Variants in DAPK2 observed in about 807,000 individuals in gnomAD.
The protein encoded by DAPK2 is death associated protein kinase 2.
Under a neutral mutation model 44.1 loss-of-function variants are expected in DAPK2, and 35 were observed. That is an observed-to-expected ratio of 0.79 (90% CI 0.61 to 1.05). DAPK2 has a LOEUF of 1.05. Among genes scored for constraint, DAPK2 ranks in the 50% least tolerant of loss-of-function variants. The probability of loss-of-function intolerance (pLI) is 0.00; values close to 1 mark genes in which losing one functional copy is unlikely to be tolerated. For missense variants in DAPK2, 453 were observed against 483.2 expected (o/e 0.94, Z 0.59); for synonymous variants, 174 against 182.6 (o/e 0.95, Z 0.38).
intron 1 of DAPK2, among the ~76,000 whole-genome samples, chr15:64,012,285 G>T (rs745406380): frequency 6.6e-6 from 1 of 152,160 alleles, no homozygotes; most frequent in South Asian, 2.1e-4. Flanking sequence ...AATAGTCTAC[G>T]TGGCTTATAT....
intron 1 of DAPK2, among the ~76,000 whole-genome samples, chr15:63,998,589 T>C (rs2079007713): frequency 6.6e-6 from 1 of 152,188 alleles, no homozygotes; most frequent in Non-Finnish European, 1.5e-5. Flanking sequence ...CCTGGGTCTC[T>C]GCAGGGTGGA....
intron 8 of DAPK2, among the ~76,000 whole-genome samples, chr15:63,913,794 T>G (rs2078857510): frequency 6.6e-6 from 1 of 152,116 alleles, no homozygotes; most frequent in South Asian, 2.1e-4. Context: ...AAAGCCCAAT[T>G]CAGACATGAT....
At chr15:63,957,655 C>A (rs2077764886) in intron 3 of DAPK2, among the ~76,000 whole-genome samples, 1 of 152,004 alleles carries the variant, frequency 6.6e-6, no homozygotes, top group Non-Finnish European at 1.5e-5. Flanking sequence ...TGGTTTCTAG[C>A]TTCATCCATG....
intron 2 of DAPK2, among the ~76,000 whole-genome samples, chr15:63,977,771 G>T (rs1302920859): frequency 6.6e-6 from 1 of 152,194 alleles, no homozygotes; most frequent in Non-Finnish European, 1.5e-5. Context: ...AGAAAACTGA[G>T]GTCTCAGGAG....
At chr15:64,034,563 G>A (rs1293984936) in intron 1 of DAPK2, among the ~76,000 whole-genome samples, 1 of 152,202 alleles carries the variant, frequency 6.6e-6, no homozygotes, top group Non-Finnish European at 1.5e-5. Context: ...GGGCAGAGGT[G>A]ATATGTGGAG....
At chr15:64,023,615 G>A (rs1297087191) in intron 1 of DAPK2, among the ~76,000 whole-genome samples, 2 of 152,204 alleles carry the variant, frequency 1.3e-5, no homozygotes, top group Non-Finnish European at 2.9e-5. Flanking sequence ...GGATCCAGTT[G>A]CACATTCTGC....
At chr15:63,973,083 T>A (rs1178144013) in intron 2 of DAPK2, among the ~76,000 whole-genome samples, 1 of 152,170 alleles carries the variant, frequency 6.6e-6, no homozygotes, top group Non-Finnish European at 1.5e-5. Flanking sequence ...CAGAATGATA[T>A]CAAAGGAGGG....
intron 1 of DAPK2, among the ~76,000 whole-genome samples, chr15:63,996,073 C>T (rs937661519): frequency 3.9e-5 from 6 of 152,208 alleles, no homozygotes; most frequent in African/African-American, 1.4e-4. Context: ...GTATTTCCTC[C>T]TTCTTCCTTT....
rs372041463 is a variant in DAPK2 at position 63,947,207 on chromosome 15, G to A, written c.454-7846C>T. The stretch of plus-strand genomic sequence containing the variant: ...TCTCCACCCAGTTCCCACACACACT[G>A]GAACTTCTTCTATGATCTCCCTCCC... On this transcript the variant is annotated intron_variant, in intron 3 of 10. Coordinates refer to ENST00000261891, the Ensembl canonical transcript of DAPK2. Among the ~76,000 whole-genome samples the A allele has an allele frequency of 3.2e-4, 48 of 152,078 alleles. No homozygotes were observed. The East Asian group carries it at 7.5e-3, about 24-fold the overall frequency.
chr15:63,999,002 T>C (rs1362520887), intron 1 of DAPK2, among the ~76,000 whole-genome samples: 3 of 152,184 alleles, frequency 2.0e-5, no homozygotes, highest in Non-Finnish European at 1.5e-5. Context: ...CCTGTGCTCT[T>C]GGAGGGCAGG....
intron 3 of DAPK2, among the ~76,000 whole-genome samples, chr15:63,950,864 ACAT>A (rs1288416169): frequency 6.6e-6 from 1 of 152,260 alleles, no homozygotes; most frequent in Admixed American, 6.5e-5. Context: ...ACATGTAAAC[ACAT>A]CATGTTCTAG....
intron 3 of DAPK2, among the ~76,000 whole-genome samples, chr15:63,949,480 C>G (rs1401877998): frequency 6.6e-6 from 1 of 152,196 alleles, no homozygotes; most frequent in Non-Finnish European, 1.5e-5. Flanking sequence ...ACCCTCAAAG[C>G]CAACGGGTGA....
At chr15:63,911,671 T>C in intron 10 of DAPK2, 3 of 567,636 alleles carry the variant, frequency 5.3e-6, no homozygotes, top group Non-Finnish European at 9.5e-6. Flanking sequence ...TGGGAGATCC[T>C]CCAGGAGTTC....
At chr15:63,998,729 G>A (rs1189018088) in intron 1 of DAPK2, among the ~76,000 whole-genome samples, 1 of 152,218 alleles carries the variant, frequency 6.6e-6, no homozygotes, top group African/African-American at 2.4e-5. Flanking sequence ...AGCTCGTCCT[G>A]CCCTGCACTG....
intron 1 of DAPK2, chr15:63,991,426 T>C (rs7168753): frequency 0.98 from 419,172 of 429,658 alleles, 205,273 homozygotes; most frequent in East Asian, 1. Flanking sequence ...CCTCGTTTCA[T>C]GAGCCTGTTT....
chr15:63,966,215 A>G lies in DAPK2; in HGVS notation c.453+5208T>C. On this transcript the variant is annotated intron_variant, in intron 3 of 10. Transcript: ENST00000261891. The surrounding 1 kb of genome is among the most constrained non-coding windows in gnomAD (Gnocchi z 5.5). ...CCCTTCTGGCTCAGAGAGTGTCTAGAAATGTTGTCTGAGATCTAGGGCCTG... is the reference window on the plus strand; with the variant it reads ...CCCTTCTGGCTCAGAGAGTGTCTAGGAATGTTGTCTGAGATCTAGGGCCTG... 6.6e-6 allele frequency among the ~76,000 whole-genome samples: 1 copy of G among 152,172 alleles called. No homozygotes were observed. Among genetic ancestry groups the G allele is most frequent in the Non-Finnish European group, 1.5e-5 (1 of 68,024 alleles).
chr15:63,975,757 C>A (rs926313543), intron 2 of DAPK2, among the ~76,000 whole-genome samples: 1 of 152,152 alleles, frequency 6.6e-6, no homozygotes, highest in Admixed American at 6.5e-5. Flanking sequence ...TGCCGCTACG[C>A]CCAGCTAATT....
At chr15:63,969,422 C>A (rs775570168) in intron 3 of DAPK2, among the ~76,000 whole-genome samples, 6 of 148,206 alleles carry the variant, frequency 4.0e-5, no homozygotes, top group South Asian at 4.3e-4. Flanking sequence ...CCTGTCCCCC[C>A]CAAAAAGAAA....
intron 1 of DAPK2, among the ~76,000 whole-genome samples, chr15:64,035,092 C>T (rs796722059): frequency 5.9e-5 from 9 of 151,700 alleles, no homozygotes; most frequent in Admixed American, 1.3e-4. Flanking sequence ...CGCTTGAACC[C>T]GGTAGGCAGA....
Sources: gnomAD v4.1 joint callset for allele counts (sites outside exome capture counted in the v4.1 genomes callset) on GRCh38, gnomAD v4.1.1 for gene constraint, Gnocchi (gnomAD v3.1) non-coding constraint, MANE v1.5 for transcripts, NCBI Gene and HGNC (gene_info 2026-07-23, HGNC 2026-07-21) for gene names.